The following MZT2B variants were observed in gnomAD, a reference collection of about 807,000 sequenced individuals.
MZT2B encodes mitotic spindle organizing protein 2B.
MZT2B carries 11 observed loss-of-function variants against 12.1 expected under a neutral mutation model. The observed-to-expected ratio is 0.91, with a 90% CI of 0.57 to 1.50. The LOEUF is 1.50. Ranked by LOEUF, MZT2B falls within the 40% of genes most tolerant of loss-of-function variation. The pLI, the probability that MZT2B is intolerant of heterozygous loss-of-function variation, is 0.00. For missense variants in MZT2B, 209 were observed against 227.7 expected (o/e 0.92, Z 0.53); for synonymous variants, 85 against 109.5 (o/e 0.78, Z 1.40).
In MZT2B at chr2:130,190,476, CAA is replaced by C. The variant is rs1045885333; in HGVS notation, c.329_330del (p.Lys110ArgfsTer71). 12 of 1,613,406 alleles carry C rather than the reference CAA, an allele frequency of 7.4e-6. No homozygotes were observed. Among genetic ancestry groups the C allele is most frequent in the African/African-American group, 4.0e-5 (3 of 74,930 alleles). ...SSVPETRGRN[K>X]GSAALGGALA... Reference sequence around the variant, plus strand: ...TGCTTTGTGTCTCCTCAGGGAGAAACAAAGGCAGCGCTGCCCTCGGGGGAGCA... The same window carrying C: ...TGCTTTGTGTCTCCTCAGGGAGAAACAGGCAGCGCTGCCCTCGGGGGAGCA... On this transcript the variant is annotated frameshift_variant, in exon 3 of 3. Transcript: ENST00000281871. LOFTEE classifies it high-confidence loss of function.
In MZT2B at chr2:130,182,725, A is replaced by T. The variant is rs1223693561; in HGVS notation, c.269A>T (p.Gln90Leu). ...GGGCAGAGGCTAGCGAGCGAGCCCC[A>T]GGACCCTGCGGCCGTGTCTCTGCCC... ...CAGQRLASEP[Q>L]DPAAVSLPTS... Residue 90 changes from glutamine to leucine, a missense_variant, in exon 2 of 3, where the codon CAG becomes CTG. Physicochemically the swap from Gln to Leu is moderately radical, Grantham distance 113. Coordinates refer to ENST00000281871, the MANE Select transcript of MZT2B (RefSeq NM_025029.5). The T allele has an allele frequency of 1.3e-6, 2 of 1,534,990 alleles. No individual in the cohort carries two copies. The highest frequency in any genetic ancestry group is 1.8e-6 in the Non-Finnish European group (2 of 1,137,548).
chr2:130,202,326 C>A, the MZT2B span: 1 of 1,289,804 alleles, frequency 7.8e-7, no homozygotes, highest in Non-Finnish European at 1.0e-6. Context: ...TTCAAACAGG[C>A]TTGAGTGACA....
At chr2:130,202,207 A>C in the MZT2B span, 1 of 942,244 alleles carries the variant, frequency 1.1e-6, no homozygotes, top group Non-Finnish European at 1.4e-6. Context: ...TACAGCACTA[A>C]AAAAAACAGT....
At chr2:130,189,591 G>T (rs924524332) in intron 2 of MZT2B, among the ~76,000 whole-genome samples, 3 of 152,170 alleles carry the variant, frequency 2.0e-5, no homozygotes, top group African/African-American at 4.8e-5. Context: ...CTCCACATGG[G>T]GGTCTGTGAC....
At chr2:130,187,566 G>A (rs1434404918) in intron 2 of MZT2B, among the ~76,000 whole-genome samples, 1 of 152,192 alleles carries the variant, frequency 6.6e-6, no homozygotes, top group African/African-American at 2.4e-5. Flanking sequence ...ACCAGGCGTA[G>A]GGGCATCAGT....
At chr2:130,182,007 C>G, upstream of MZT2B, 1 of 1,371,472 alleles carries the variant, frequency 7.3e-7, no homozygotes, top group Non-Finnish European at 9.5e-7. Context: ...CGAGCACGAC[C>G]AATGCAGTCT....
At chr2:130,191,355 T>C (rs1347083385), downstream of MZT2B, among the ~76,000 whole-genome samples, 17 of 150,256 alleles carry the variant, frequency 1.1e-4, no homozygotes, top group Admixed American at 1.1e-3. Flanking sequence ...GTTAATATTC[T>C]TTCCCCCTCT....
chr2:130,185,779 G>T lies in MZT2B; in HGVS notation c.319+3004G>T, dbSNP rs371797918. Among the ~76,000 whole-genome samples the T allele has an allele frequency of 1.3e-4, 19 of 150,346 alleles. 1 individual carries two copies. The highest frequency in any genetic ancestry group is 4.6e-4 in the African/African-American group (19 of 40,908). On this transcript the variant is annotated intron_variant, in intron 2 of 2. Transcript: ENST00000281871. ...CCAGGAGGATTAGGGGGTGCTGTGT[G>T]AGCGAATGGGGGCTCCGAGAGAATT...
At chr2:130,184,171 G>C (rs1191116508) in intron 2 of MZT2B, 1 of 1,452,472 alleles carries the variant, frequency 6.9e-7, no homozygotes, top group Non-Finnish European at 9.0e-7. Context: ...CCACAGTCGG[G>C]CTGGCATCTG....
Position 130,189,180 on chromosome 2 carries a change from A to G in MZT2B, c.320-1289A>G, listed in dbSNP as rs35708728. On this transcript the variant is annotated intron_variant, in intron 2 of 2. Transcript: ENST00000281871. ...TTACATACAGAGGGGGCTGCAGTGT[A>G]CCCTCACGAGGGACAGCCAGGAAAG... 5.5e-3 allele frequency among the ~76,000 whole-genome samples: 843 copies of G among 152,160 alleles called. 38 individuals carry two copies. The East Asian group carries it at 0.13, about 23-fold the overall frequency.
chr2:130,190,740 C>CT, downstream of MZT2B: 5 of 1,279,844 alleles, frequency 3.9e-6, no homozygotes, highest in African/African-American at 1.9e-5. Context: ...TGTTGTCTAC[C>CT]GTTTTTTTTT....
At chr2:130,194,082 CCGT>C (rs1690342561), downstream of MZT2B, 1 of 1,614,058 alleles carries the variant, frequency 6.2e-7, no homozygotes, top group African/African-American at 1.3e-5. Context: ...GTCTGGAATT[CCGT>C]CAAGTCCACA....
At chr2:130,181,795 A>G (rs1689673499), upstream of MZT2B, 1 of 1,546,412 alleles carries the variant, frequency 6.5e-7, no homozygotes, top group Non-Finnish European at 8.7e-7. Flanking sequence ...CCGGCGCCCC[A>G]AGGTACTTTC....
chr2:130,202,919 G>A, the MZT2B span, among the ~76,000 whole-genome samples: 6 of 152,118 alleles, frequency 3.9e-5, no homozygotes, highest in Non-Finnish European at 8.8e-5. Flanking sequence ...GAGGACATAT[G>A]TTAAAATGTG....
chr2:130,183,136 G>A, intron 2 of MZT2B: 1 of 404,078 alleles, frequency 2.5e-6, no homozygotes, highest in Non-Finnish European at 4.5e-6. Context: ...CCCAGGGCGG[G>A]AGGATCGTTT....
downstream of MZT2B, chr2:130,191,799 G>T: frequency 6.3e-7 from 1 of 1,586,060 alleles, no homozygotes; most frequent in Non-Finnish European, 8.6e-7. Context: ...CCATCCTAGG[G>T]GTGGCAGGGG....
chr2:130,198,635 T>C, the MZT2B span, among the ~76,000 whole-genome samples: 11 of 124,024 alleles, frequency 8.9e-5, 4 homozygotes, highest in South Asian at 1.1e-3. Context: ...GCGCGGTTGC[T>C]GAGGCATTTC....
chr2:130,203,738 T>C, the MZT2B span, among the ~76,000 whole-genome samples: 1 of 152,234 alleles, frequency 6.6e-6, no homozygotes, highest in Non-Finnish European at 1.5e-5. Context: ...CTTGAGTGCC[T>C]GGCCTGATTT....
intron 2 of MZT2B, 78 bp downstream of exon 2, chr2:130,182,853 G>A: frequency 1.4e-6 from 2 of 1,450,612 alleles, no homozygotes; most frequent in South Asian, 1.4e-5. Context: ...CACAGCGGCG[G>A]CGTGGCCCTG....
Sources: gnomAD v4.1 joint callset for allele counts (sites outside exome capture counted in the v4.1 genomes callset) on GRCh38, gnomAD v4.1.1 for gene constraint, MANE v1.5 for transcripts, NCBI Gene and HGNC (gene_info 2026-07-23, HGNC 2026-07-21) for gene names.